The following BRINP3 variants were observed in gnomAD, a reference collection of about 807,000 sequenced individuals.
The protein encoded by BRINP3 is BMP/retinoic acid inducible neural specific 3, also known as BMP/retinoic acid-inducible neural-specific protein 3.
In BRINP3, 19 loss-of-function variants were observed where a neutral mutation model predicts 71.0. That is an observed-to-expected ratio of 0.27 (90% CI 0.19 to 0.39). The LOEUF (loss-of-function observed/expected upper bound fraction) is 0.39, where lower values mean the gene tolerates loss of function less well. Among genes scored for constraint, BRINP3 ranks in the 10% least tolerant of loss-of-function variants. The pLI is 1.00. For synonymous variants in BRINP3, 380 were observed against 337.7 expected, an observed-to-expected ratio of 1.13 and a Z score of -1.37; for missense variants, 959 against 940.8, an observed-to-expected ratio of 1.02 and a Z score of -0.25.
At chr1:190,126,762 T>G (rs996868836) in intron 7 of BRINP3, among the ~76,000 whole-genome samples, 1 of 151,914 alleles carries the variant, frequency 6.6e-6, no homozygotes, top group African/African-American at 2.4e-5. Flanking sequence ...CCTTCATAGA[T>G]TTTAATATCA....
intron 4 of BRINP3, among the ~76,000 whole-genome samples, chr1:190,243,592 A>G (rs547874902): frequency 6.6e-6 from 1 of 152,226 alleles, no homozygotes; most frequent in South Asian, 2.1e-4. Flanking sequence ...GGTTTTCAAT[A>G]TTAATAATAA....
intron 2 of BRINP3, among the ~76,000 whole-genome samples, chr1:190,371,064 T>C (rs1292225339): frequency 6.6e-6 from 1 of 152,156 alleles, no homozygotes; most frequent in Non-Finnish European, 1.5e-5. Context: ...TCCTTATATA[T>C]TTTCAATACT....
At chr1:190,423,263 AC>A (rs2102469094) in intron 2 of BRINP3, among the ~76,000 whole-genome samples, 1 of 151,832 alleles carries the variant, frequency 6.6e-6, no homozygotes, top group Admixed American at 6.6e-5. Flanking sequence ...TTTACCTCTT[AC>A]TTTATGACAG....
intron 6 of BRINP3, among the ~76,000 whole-genome samples, chr1:190,190,122 T>C (rs1653904174): frequency 6.6e-6 from 1 of 152,112 alleles, no homozygotes; most frequent in Non-Finnish European, 1.5e-5. Context: ...CAAGCAAGCC[T>C]TCATCCTGGG....
chr1:190,313,643 G>T (rs1373002225), intron 2 of BRINP3, among the ~76,000 whole-genome samples: 1 of 151,900 alleles, frequency 6.6e-6, no homozygotes, highest in East Asian at 1.9e-4. Flanking sequence ...ATAAGTTCTG[G>T]GCACTCTGAT....
intron 6 of BRINP3, among the ~76,000 whole-genome samples, chr1:190,188,611 C>A (rs1327594548): frequency 6.9e-6 from 1 of 144,586 alleles, no homozygotes; most frequent in Non-Finnish European, 1.5e-5. Context: ...TTGAAAACAT[C>A]ATTTTTTTTT....
intron 7 of BRINP3, among the ~76,000 whole-genome samples, chr1:190,159,835 ACAATC>A (rs1657191029): frequency 6.6e-6 from 1 of 152,020 alleles, no homozygotes; most frequent in East Asian, 1.9e-4. Flanking sequence ...ACAAACAAAA[ACAATC>A]CAATGTTTTC....
At chr1:190,462,439 C>A (rs545076130) in intron 1 of BRINP3, among the ~76,000 whole-genome samples, 1 of 152,118 alleles carries the variant, frequency 6.6e-6, no homozygotes, top group South Asian at 2.1e-4. Flanking sequence ...AAATCCCCCT[C>A]TAATTGAGGA....
In BRINP3 at chr1:190,401,705, G is replaced by A. The variant is rs573459086; in HGVS notation, c.236+52950C>T. The stretch of plus-strand genomic sequence containing the variant: ...TGAGCCTATTTAAGTGAAGATTTCT[G>A]TTAATTACTGTAAATGAACCCAAAT... On this transcript the variant is annotated intron_variant, in intron 2 of 7. Transcript: ENST00000367462. Among the ~76,000 whole-genome samples the A allele has an allele frequency of 5.3e-5, 8 of 152,142 alleles. No homozygotes were observed. The East Asian group carries it at 1.4e-3, about 26-fold the overall frequency.
chr1:190,159,553 G>T (rs1321040651), intron 7 of BRINP3, among the ~76,000 whole-genome samples: 1 of 151,998 alleles, frequency 6.6e-6, no homozygotes, highest in Non-Finnish European at 1.5e-5. Context: ...AAAGCAGTTT[G>T]CTAAGTGAAA....
At chr1:190,230,812 C>T (rs1229148912) in intron 5 of BRINP3, among the ~76,000 whole-genome samples, 4 of 151,480 alleles carry the variant, frequency 2.6e-5, no homozygotes, top group Non-Finnish European at 5.9e-5. Context: ...TATCTCTTTC[C>T]TCCAAGTCAT....
intron 7 of BRINP3, among the ~76,000 whole-genome samples, chr1:190,144,893 C>T (rs1655756977): frequency 6.6e-6 from 1 of 152,118 alleles, no homozygotes; most frequent in African/African-American, 2.4e-5. Flanking sequence ...GTTCAGTCGG[C>T]CTGTAATTCA....
At chr1:190,429,658 T>A (rs778673161) in intron 2 of BRINP3, among the ~76,000 whole-genome samples, 15 of 151,024 alleles carry the variant, frequency 9.9e-5, no homozygotes, top group Non-Finnish European at 1.8e-4. Flanking sequence ...TGAGGAGATC[T>A]CAGCTCACTG....
chr1:190,329,189 G>A (rs1666801705), intron 2 of BRINP3, among the ~76,000 whole-genome samples: 1 of 151,912 alleles, frequency 6.6e-6, no homozygotes, highest in Non-Finnish European at 1.5e-5. Context: ...TCAGGAAAGG[G>A]AAAATAATAA....
At chr1:190,392,324 T>C (rs10920711) in intron 2 of BRINP3, among the ~76,000 whole-genome samples, 26,973 of 151,502 alleles carry the variant, frequency 0.18, 2,418 homozygotes, top group Middle Eastern at 0.22. Context: ...GACTGGGAAT[T>C]GAGTTGTATA....
intron 6 of BRINP3, among the ~76,000 whole-genome samples, chr1:190,210,136 T>G (rs1416759575): frequency 1.3e-5 from 2 of 152,138 alleles, no homozygotes; most frequent in African/African-American, 4.8e-5. Context: ...TTGATAACCC[T>G]TGTCATGGCT....
At chr1:190,426,467 T>C (rs1026949783) in intron 2 of BRINP3, among the ~76,000 whole-genome samples, 1 of 151,920 alleles carries the variant, frequency 6.6e-6, no homozygotes, top group Non-Finnish European at 1.5e-5. Flanking sequence ...ATTATGCTAA[T>C]TGAGCGTCCC....
chr1:190,216,115 G>A (rs1008562691), intron 6 of BRINP3, among the ~76,000 whole-genome samples: 7 of 151,092 alleles, frequency 4.6e-5, no homozygotes, highest in African/African-American at 1.7e-4. Context: ...GGCAATTTTG[G>A]TAATTATTTG....
chr1:190,416,014 C>G (rs1027293187), intron 2 of BRINP3, among the ~76,000 whole-genome samples: 4 of 152,054 alleles, frequency 2.6e-5, no homozygotes, highest in Non-Finnish European at 5.9e-5. Context: ...GTGTCTCAGC[C>G]ACATTCAATA....
Sources: allele counts gnomAD v4.1 joint callset (sites outside exome capture counted in the v4.1 genomes callset), GRCh38; gene constraint gnomAD v4.1.1; transcripts MANE v1.5; gene names NCBI Gene and HGNC (gene_info 2026-07-23, HGNC 2026-07-21).